The following LRP2 variants were observed in gnomAD, a reference collection of about 807,000 sequenced individuals.
The protein encoded by LRP2 is low-density lipoprotein receptor-related protein 2.
LRP2 carries 172 observed loss-of-function variants against 531.0 expected under a neutral mutation model. The ratio of observed to expected loss-of-function variants is 0.32; its 90% CI spans 0.29 to 0.37. The LOEUF (loss-of-function observed/expected upper bound fraction) is 0.37, where lower values mean the gene tolerates loss of function less well. LRP2 is among the 10% of genes least tolerant of loss of function. The probability of loss-of-function intolerance (pLI) is 1.00; values close to 1 mark genes in which losing one functional copy is unlikely to be tolerated. For missense variants in LRP2, 5,167 were observed against 5,868.3 expected, an observed-to-expected ratio of 0.88 and a Z score of 3.90; for synonymous variants, 1,992 against 2,027.6, an observed-to-expected ratio of 0.98 and a Z score of 0.47.
At chr2:169,323,629 TA>T (rs760860131) in intron 1 of LRP2, among the ~76,000 whole-genome samples, 10,703 of 137,276 alleles carry the variant, frequency 0.078, 491 homozygotes, top group South Asian at 0.16. Context: ...TTTGAAGATT[TA>T]AAAAAAAAAA....
In LRP2 at chr2:169,221,858, T is replaced by C. The variant is rs16856621; in HGVS notation, c.5539-1295A>G. 6.4e-4 allele frequency among the ~76,000 whole-genome samples: 97 copies of C among 152,284 alleles called. No homozygotes were observed. In the East Asian group the frequency reaches 0.018, roughly 28 times the overall value. Reference sequence around the variant, plus strand: ...TCTCTCCTTTTCCTAAGACTAAGGATCTCTTTGGTTCACAGTTCCTTTTCT... The same window carrying C: ...TCTCTCCTTTTCCTAAGACTAAGGACCTCTTTGGTTCACAGTTCCTTTTCT... On this transcript the variant is annotated intron_variant, in intron 33 of 78. Coordinates refer to ENST00000649046, the MANE Select transcript of LRP2 (RefSeq NM_004525.3).
chr2:169,287,857 AT>A (rs1683900548), intron 9 of LRP2, among the ~76,000 whole-genome samples: 1 of 149,220 alleles, frequency 6.7e-6, no homozygotes, highest in African/African-American at 2.4e-5. Flanking sequence ...ATATTTTAAT[AT>A]TAAAATTTTA....
chr2:169,165,449 A>G (rs1249433054), intron 62 of LRP2, among the ~76,000 whole-genome samples: 2 of 152,178 alleles, frequency 1.3e-5, no homozygotes, highest in African/African-American at 4.8e-5. Context: ...ATGAACTTTC[A>G]TTTTCAACAA....
chr2:169,153,490 T>G (rs955220648), intron 66 of LRP2, among the ~76,000 whole-genome samples: 3 of 152,316 alleles, frequency 2.0e-5, no homozygotes, highest in East Asian at 3.9e-4. Context: ...GCACCATTCT[T>G]GAAAAGTGTA....
chr2:169,216,053 C>T (rs577412438), intron 35 of LRP2, among the ~76,000 whole-genome samples, 200 bp downstream of exon 35: 80 of 152,054 alleles, frequency 5.3e-4, no homozygotes, highest in African/African-American at 1.8e-3. Context: ...GGGAACTATG[C>T]ACATACTATA....
intron 68 of LRP2, among the ~76,000 whole-genome samples, chr2:169,150,606 A>T (rs1349211410): frequency 6.6e-6 from 1 of 152,220 alleles, no homozygotes; most frequent in Non-Finnish European, 1.5e-5. Flanking sequence ...CCTTCACTTA[A>T]AACAGTTATA....
chr2:169,151,467 G>T (rs1686120722), intron 67 of LRP2, among the ~76,000 whole-genome samples: 4 of 152,082 alleles, frequency 2.6e-5, no homozygotes, highest in Admixed American at 2.6e-4. Flanking sequence ...AAGTCATAAG[G>T]CACGGTGGGG....
chr2:169,312,745 G>A (rs1272773671), intron 3 of LRP2, among the ~76,000 whole-genome samples: 1 of 152,160 alleles, frequency 6.6e-6, no homozygotes, highest in African/African-American at 2.4e-5. Context: ...TTTGAGTGTT[G>A]GCCTGCCTTG....
chr2:169,235,612 A>G (rs1689577922), intron 29 of LRP2, among the ~76,000 whole-genome samples: 1 of 152,206 alleles, frequency 6.6e-6, no homozygotes, highest in Admixed American at 6.5e-5. Flanking sequence ...ACGAGCTATA[A>G]AAATCCTTCC....
chr2:169,230,904 T>G (rs565832931), intron 31 of LRP2, among the ~76,000 whole-genome samples: 8 of 152,208 alleles, frequency 5.3e-5, no homozygotes, highest in Non-Finnish European at 8.8e-5. Context: ...ACAATTCTCC[T>G]TCTTAAAGTA....
At chr2:169,333,747 A>G (rs1574267482) in intron 1 of LRP2, among the ~76,000 whole-genome samples, 1 of 152,072 alleles carries the variant, frequency 6.6e-6, no homozygotes, top group East Asian at 1.9e-4. Context: ...TGTCTCCCCT[A>G]CTGGATTGCT....
intron 35 of LRP2, among the ~76,000 whole-genome samples, chr2:169,215,805 T>C (rs1688767753): frequency 6.7e-6 from 1 of 148,328 alleles, no homozygotes; most frequent in Non-Finnish European, 1.5e-5. Flanking sequence ...AGATTCTATA[T>C]ACCATATAGT....
At chr2:169,294,796 G>T in intron 4 of LRP2, 86 bp from the exon 5 acceptor site, 1 of 819,248 alleles carries the variant, frequency 1.2e-6, no homozygotes, top group Non-Finnish European at 2.0e-6. Context: ...TTTATTGAGT[G>T]ATTACTATAT....
intron 61 of LRP2, among the ~76,000 whole-genome samples, chr2:169,167,298 T>C (rs1431239214): frequency 6.6e-6 from 1 of 152,210 alleles, no homozygotes; most frequent in Non-Finnish European, 1.5e-5. Flanking sequence ...TAAAGTTTTC[T>C]GAGGAGAAAC....
At position 169,173,891 on chromosome 2, in the gene LRP2, A is replaced by G. The variant is rs1687089278; in HGVS notation, c.11014+28T>C. On this transcript the variant is annotated intron_variant, in intron 56 of 78. Coordinates refer to ENST00000649046, the MANE Select transcript of LRP2 (RefSeq NM_004525.3). The stretch of plus-strand genomic sequence containing the variant: ...TTCCTCGTGTCTCCCTGCTCTGGTC[A>G]TGCCTTGGTCCTCCCACAGGAACTT... The G allele has an allele frequency of 1.2e-5, 19 of 1,613,620 alleles. 1 individual carries two copies. The highest frequency in any genetic ancestry group is 1.6e-5 in the Non-Finnish European group (19 of 1,180,000).
rs770400939 is a variant in LRP2, at chr2:169,174,152, C to T, written c.10781G>A (p.Cys3594Tyr). 4 of 1,614,120 alleles carry T rather than the reference C, an allele frequency of 2.5e-6. No individual in the cohort carries two copies. The highest frequency in any genetic ancestry group is 3.4e-6 in the Non-Finnish European group (4 of 1,180,048). The change falls in exon 56 of 79, where the codon TGT becomes TAT. Residue 3594 changes from cysteine (C) to tyrosine (Y), a missense_variant. By Grantham distance (194) the Cys-to-Tyr change is radical. Transcript: ENST00000649046. ...EDRLLCENHHCDSNEWQCANK... is the reference protein window; with the variant it reads ...EDRLLCENHHYDSNEWQCANK... ...GGCGCACTGCCATTCATTGGAGTCACAGTGGTGATTCTCTGAGAGCAGGGA... is the reference window on the plus strand; with the variant it reads ...GGCGCACTGCCATTCATTGGAGTCATAGTGGTGATTCTCTGAGAGCAGGGA...
Position 169,289,039 on chromosome 2 carries a change from G to A in LRP2, c.1029C>T (p.Ser343=). 1 of 1,613,982 alleles carries A rather than the reference G, an allele frequency of 6.2e-7. No homozygotes were observed. Among genetic ancestry groups the A allele is most frequent in the African/African-American group, 1.3e-5 (1 of 75,022 alleles). The change falls in exon 9 of 79, where the codon AGC becomes AGT. Residue 343 remains serine (S), a synonymous_variant. Coordinates refer to ENST00000649046, the MANE Select transcript of LRP2 (RefSeq NM_004525.3). ...PPGYIINHND[S]RTCVEFDDCQ... is the part of the protein sequence containing the mutation. ...CCCATCACTTACCAACACAGGTACGGCTGTCATTGTGGTTGATGATATAAC... is the reference window on the plus strand; with the variant it reads ...CCCATCACTTACCAACACAGGTACGACTGTCATTGTGGTTGATGATATAAC...
chr2:169,262,045 C>T (rs1213119870), intron 16 of LRP2, among the ~76,000 whole-genome samples: 1 of 151,974 alleles, frequency 6.6e-6, no homozygotes, highest in Non-Finnish European at 1.5e-5. Context: ...AAGTCAACAA[C>T]CCTTCATGCT....
chr2:169,188,384 A>G, intron 48 of LRP2, 119 bp from the exon 49 acceptor site: 8 of 928,374 alleles, frequency 8.6e-6, no homozygotes, highest in South Asian at 1.4e-5. Context: ...CATTTCGACA[A>G]GATCACCAGT....
Sources: allele counts gnomAD v4.1 joint callset (sites outside exome capture counted in the v4.1 genomes callset), GRCh38; gene constraint gnomAD v4.1.1; transcripts MANE v1.5; gene names NCBI Gene and HGNC (gene_info 2026-07-23, HGNC 2026-07-21).